The following ABCA2 variants were observed in gnomAD, a reference collection of about 807,000 sequenced individuals.
ABCA2 encodes the protein ATP-binding cassette sub-family A member 2.
Under a neutral mutation model 262.8 loss-of-function variants are expected in ABCA2, and 84 were observed. That is an observed-to-expected ratio of 0.32 (90% CI 0.27 to 0.38). The LOEUF is 0.38. ABCA2 is among the 10% of genes least tolerant of loss of function. The pLI, the probability that ABCA2 is intolerant of heterozygous loss-of-function variation, is 1.00. For synonymous variants in ABCA2, 1,696 were observed against 1,502.9 expected, an observed-to-expected ratio of 1.13 and a Z score of -2.97; for missense variants, 2,662 against 3,405.9, an observed-to-expected ratio of 0.78 and a Z score of 5.44.
At chr9:137,018,104 G>T (rs545465685) in intron 14 of ABCA2, 29 bp from the exon 15 acceptor site, 3 of 1,610,408 alleles carry the variant, frequency 1.9e-6, no homozygotes, top group Non-Finnish European at 2.5e-6. Flanking sequence ...ATCAGGTGCC[G>T]GGCAGGCCCT....
intron 1 of ABCA2, among the ~76,000 whole-genome samples, chr9:137,025,833 G>C (rs907117487): frequency 6.6e-6 from 1 of 152,250 alleles, no homozygotes; most frequent in Non-Finnish European, 1.5e-5. Context: ...ACTGGGAGGA[G>C]GAGGAGAGTC....
At chr9:137,010,582 A>AGCC in intron 40 of ABCA2, 38 bp downstream of exon 40, 185 of 1,058,572 alleles carry the variant, frequency 1.7e-4, no homozygotes, top group Non-Finnish European at 2.3e-4. Context: ...GCCCTGGCCT[A>AGCC]CCCCACCCAG....
intron 9 of ABCA2, 77 bp from the exon 10 acceptor site, chr9:137,020,572 G>A: frequency 6.5e-7 from 1 of 1,546,420 alleles, no homozygotes; most frequent in Non-Finnish European, 8.7e-7. Flanking sequence ...TCGGGATGGG[G>A]CAGGACTTCG....
chr9:137,011,512 G>A lies in ABCA2; in HGVS notation c.5694C>T (p.Phe1898=), dbSNP rs751150346. The change falls in exon 37 of 49, where the codon TTC becomes TTT. Residue 1898 remains phenylalanine, a synonymous_variant. Coordinates refer to ENST00000341511, the MANE Select transcript of ABCA2 (RefSeq NM_001606.5). This position sits in a 1 kb window ranked among gnomAD's most constrained non-coding sequence, Gnocchi z 8.8. ...ACACGTAGGCGGAGCTGGGGACCTC[G>A]AACCAGAAGGAGGCCGGGTACATGA... is the stretch of plus-strand genomic sequence containing the variant. ...TPIMYPASFW[F]EVPSSAYVFL... 10 of 1,595,990 alleles carry A rather than the reference G, an allele frequency of 6.3e-6. No individual in the cohort carries two copies. Among genetic ancestry groups the A allele is most frequent in the South Asian group, 3.4e-5 (3 of 88,786 alleles).
chr9:137,019,422 A>G lies in ABCA2; in HGVS notation c.1426-116T>C. ...CCATTGCCAACAACTAACCCTCCCCACCTTTTTTTTTTTTTTTTTCCTGAG... is the reference window on the plus strand; with the variant it reads ...CCATTGCCAACAACTAACCCTCCCCGCCTTTTTTTTTTTTTTTTTCCTGAG... On this transcript the variant is annotated intron_variant, in intron 10 of 48. Transcript: ENST00000341511. This position sits in a 1 kb window ranked among gnomAD's most constrained non-coding sequence, Gnocchi z 4.4. 2.8e-6 allele frequency: 2 copies of G among 722,084 alleles called. No homozygotes were observed. The highest frequency in any genetic ancestry group is 3.7e-5 in the East Asian group (1 of 26,898). The allele number at this position is 722,084 out of a possible 1,614,324, so 44.7% of individuals were successfully genotyped here.
In ABCA2 at chr9:137,013,153, G is replaced by A. The variant is rs781114676; in HGVS notation, c.4716C>T (p.Phe1572=). ...GESRLLAARF[F]DSMCLESFTQ... is the part of the protein sequence containing the mutation. ...TGAAGGACTCCAGACACATGCTGTC[G>A]AAGAACCGAGCCGCCAGCAGGCGCG... Residue 1572 remains phenylalanine, a synonymous_variant, in exon 30 of 49, where the codon TTC becomes TTT. Coordinates refer to ENST00000341511, the MANE Select transcript of ABCA2 (RefSeq NM_001606.5). 1.6e-5 allele frequency: 25 copies of A among 1,599,646 alleles called. No homozygotes were observed. Among genetic ancestry groups the A allele is most frequent in the Middle Eastern group, 3.3e-4 (2 of 6,010 alleles).
chr9:137,009,681 C>T, intron 43 of ABCA2, 37 bp from the exon 44 acceptor site: 1 of 1,612,386 alleles, frequency 6.2e-7, no homozygotes, highest in Non-Finnish European at 8.5e-7. Context: ...CTGCCAGGCC[C>T]ACACACCCCA....
intron 9 of ABCA2, 36 bp downstream of exon 9, chr9:137,020,658 G>T (rs779327389): frequency 6.3e-7 from 1 of 1,594,820 alleles, no homozygotes; most frequent in Non-Finnish European, 8.5e-7. Flanking sequence ...GCCCCTGGCT[G>T]TCCTCCTCAC....
In ABCA2 at chr9:137,012,174, G is replaced by A. The variant is rs752231607; in HGVS notation, c.5300-12C>T. The A allele has an allele frequency of 4.0e-5, 65 of 1,611,344 alleles. No individual in the cohort carries two copies. The highest frequency in any genetic ancestry group is 5.3e-5 in the African/African-American group (4 of 74,860). On this transcript the variant is annotated splice_polypyrimidine_tract_variant and intron_variant, in intron 33 of 48. Transcript: ENST00000341511. ...GGTGACGGTGATGCCTGCACACGGC[G>A]GGGCGGGGGCGGCAGCTTCAGGCCC... is the stretch of plus-strand genomic sequence containing the variant.
chr9:137,022,284 T>G (rs1303911541), intron 6 of ABCA2, 67 bp downstream of exon 6: 2 of 1,481,092 alleles, frequency 1.4e-6, no homozygotes, highest in Non-Finnish European at 1.8e-6. Flanking sequence ...TGAGGATGGC[T>G]CAGCAACCAG....
At chr9:137,015,934 T>TGGGGCGGGGGGGGG in intron 22 of ABCA2, 28 bp downstream of exon 22, 1 of 654,350 alleles carries the variant, frequency 1.5e-6, no homozygotes, top group Non-Finnish European at 2.1e-6. Flanking sequence ...TCCGCCCACC[T>TGGGGCGGGGGGGGG]GCCCCGCCCC....
chr9:137,024,000 G>T, intron 2 of ABCA2, 143 bp downstream of exon 2: 1 of 1,526,534 alleles, frequency 6.6e-7, no homozygotes, highest in Non-Finnish European at 8.8e-7. Context: ...CAGGAGGCAC[G>T]GCCCAGGACC....
rs1588522436 is a variant in ABCA2 at position 137,019,706 on chromosome 9, G to A, written c.1426-400C>T. Reference sequence around the variant, plus strand: ...CAAAGTGCTGGGATTTCAAGCGTGAGTCCCACGCCCGGGCTCTCCACTCCT... The same window carrying A: ...CAAAGTGCTGGGATTTCAAGCGTGAATCCCACGCCCGGGCTCTCCACTCCT... On this transcript the variant is annotated intron_variant, in intron 10 of 48. Transcript: ENST00000341511. This position sits in a 1 kb window ranked among gnomAD's most constrained non-coding sequence, Gnocchi z 4.4. The A allele has an allele frequency of 4.7e-6, 1 of 210,618 alleles. No homozygotes were observed. The allele number at this position is 210,618 out of a possible 1,614,324, so 13.0% of individuals were successfully genotyped here.
intron 45 of ABCA2, 21 bp from the exon 46 acceptor site, chr9:137,009,074 CCCGGAGCCCTGCGCCGCCCAG>C: frequency 6.3e-7 from 1 of 1,599,958 alleles, no homozygotes; most frequent in African/African-American, 1.3e-5. Flanking sequence ...AGGCCGGTGG[CCCGGAGCCCTGCGCCGCCCAG>C]CCAGAGCCCC....
In ABCA2 at chr9:137,021,535, T is replaced by G; in HGVS notation, c.754A>C (p.Thr252Pro). 1 of 1,597,842 alleles carries G rather than the reference T, an allele frequency of 6.3e-7. No individual in the cohort carries two copies. Among genetic ancestry groups the G allele is most frequent in the South Asian group, 1.1e-5 (1 of 88,928 alleles). Reference sequence around the variant, plus strand: ...GCTCCCTTCTGACTCTCAGGCACAGTGAGGATCCGGCCCAGCTCCCCCGAG... The same window carrying G: ...GCTCCCTTCTGACTCTCAGGCACAGGGAGGATCCGGCCCAGCTCCCCCGAG... ...PGSGELGRIL[T>P]VPESQKGALQ... Residue 252 changes from threonine to proline, a missense_variant, in exon 8 of 49, where the codon ACT becomes CCT. Around this residue, in one of 12 missense-constraint regions of ABCA2, gnomAD observed 403 missense variants for 375.9 expected, o/e 1.07. Coordinates refer to ENST00000341511, the MANE Select transcript of ABCA2 (RefSeq NM_001606.5). This position sits in a 1 kb window ranked among gnomAD's most constrained non-coding sequence, Gnocchi z 6.0.
At chr9:137,010,598 A>G in intron 40 of ABCA2, 22 bp downstream of exon 40, 1 of 298,138 alleles carries the variant, frequency 3.4e-6, no homozygotes, top group Non-Finnish European at 5.8e-6. Flanking sequence ...CCCAGGCCCC[A>G]CCCTACATGC....
intron 28 of ABCA2, 81 bp downstream of exon 28, chr9:137,013,751 C>T: frequency 6.7e-7 from 1 of 1,486,318 alleles, no homozygotes; most frequent in Non-Finnish European, 9.1e-7. Context: ...AGTCAGGAAG[C>T]TCAGGAGTGG....
At chr9:137,020,638 C>T in intron 9 of ABCA2, 56 bp downstream of exon 9, 2 of 1,585,774 alleles carry the variant, frequency 1.3e-6, no homozygotes, top group East Asian at 2.2e-5. Flanking sequence ...AGATTCAGGG[C>T]TCACGCCCTG....
chr9:137,021,357 G>A lies in ABCA2; in HGVS notation c.897+35C>T. On this transcript the variant is annotated intron_variant, in intron 8 of 48. Coordinates refer to ENST00000341511, the MANE Select transcript of ABCA2 (RefSeq NM_001606.5). The surrounding 1 kb of genome is among the most constrained non-coding windows in gnomAD (Gnocchi z 6.0). ...GCCCCTCCTTCAACTCAGGCAGCAAGCAGCGCAGCGGGCAGTGGGCAGGCA... is the reference window on the plus strand; with the variant it reads ...GCCCCTCCTTCAACTCAGGCAGCAAACAGCGCAGCGGGCAGTGGGCAGGCA... The A allele has an allele frequency of 1.3e-6, 2 of 1,593,436 alleles. No individual in the cohort carries two copies. The highest frequency in any genetic ancestry group is 1.7e-6 in the Non-Finnish European group (2 of 1,174,220).
Sources: gnomAD v4.1 joint callset for allele counts (sites outside exome capture counted in the v4.1 genomes callset) on GRCh38, gnomAD v4.1.1 for gene constraint, gnomAD v4.1.1 regional missense constraint, Gnocchi (gnomAD v3.1) non-coding constraint, MANE v1.5 for transcripts, NCBI Gene and HGNC (gene_info 2026-07-23, HGNC 2026-07-21) for gene names.